The following N4BP1 variants were observed in gnomAD, a reference collection of about 807,000 sequenced individuals.
N4BP1 encodes the protein NEDD4-binding protein 1.
Under a neutral mutation model 70.9 loss-of-function variants are expected in N4BP1, and 21 were observed. The ratio of observed to expected loss-of-function variants is 0.30; its 90% CI spans 0.21 to 0.43. The LOEUF is 0.43. Ranked by LOEUF, N4BP1 falls within the 20% of genes least tolerant of loss-of-function variation. N4BP1 has a pLI of 1.00. For synonymous variants in N4BP1, 387 were observed against 394.6 expected (o/e 0.98, Z 0.23); for missense variants, 936 against 1,069.4 (o/e 0.88, Z 1.74).
Position 48,551,405 on chromosome 16 carries a change from T to C in N4BP1, c.2098A>G (p.Ile700Val), listed in dbSNP as rs1026204652. Residue 700 changes from isoleucine to valine, a missense_variant, in exon 4 of 7, where the codon ATT (isoleucine) becomes GTT (valine). Ile to Val is a conservative substitution (Grantham distance 29). This residue lies in a region of N4BP1 where 229 missense variants were observed against 343.5 expected (regional missense o/e 0.67). Transcript: ENST00000262384. ...TPARMVFGER[I>V]ASHDDRFLLH... is the part of the protein sequence containing the mutation. Reference sequence around the variant, plus strand: ...TCATACCTGTCATCATGAGAAGCAATTCTTTCTCCAAAGACCATCCGGGCA... The same window carrying C: ...TCATACCTGTCATCATGAGAAGCAACTCTTTCTCCAAAGACCATCCGGGCA... 4 of 1,613,322 alleles carry C rather than the reference T, an allele frequency of 2.5e-6. No individual in the cohort carries two copies. Among genetic ancestry groups the C allele is most frequent in the Non-Finnish European group, 8.5e-7 (1 of 1,179,502 alleles).
At chr16:48,579,632 C>T (rs2151095260) in intron 1 of N4BP1, among the ~76,000 whole-genome samples, 1 of 150,846 alleles carries the variant, frequency 6.6e-6, no homozygotes, top group South Asian at 2.1e-4. Context: ...AACCAAGCAA[C>T]TGTATTCCAA....
rs1427081653 is a variant in N4BP1 at position 48,542,288 on chromosome 16, A to AC, written c.*615dup. 6.6e-6 allele frequency: 1 copy of AC among 152,508 alleles called. No homozygotes were observed. The highest frequency in any genetic ancestry group is 1.5e-5 in the Non-Finnish European group (1 of 68,064). 9.4% of individuals were successfully genotyped at this position (152,508 alleles called of 1,614,324 possible). A position where few individuals can be genotyped will look rare whatever the true frequency, so the allele number is the denominator to read the frequency against. The stretch of plus-strand genomic sequence containing the variant: ...TCTTCTAGCCCTGGTATTCTGTGAG[A>AC]CTAACTTCGCCCTGGTCATTCACCA... On this transcript the variant is annotated 3_prime_UTR_variant, in exon 7 of 7. Transcript: ENST00000262384.
rs761037186 is a variant in N4BP1 at position 48,546,173 on chromosome 16, C to A, written c.2307G>T (p.Glu769Asp). 3.1e-6 allele frequency: 5 copies of A among 1,612,272 alleles called. No individual in the cohort carries two copies. The African/African-American group carries it at 4.0e-5, about 13-fold the overall frequency. ...PLGRSGPRLE[E>D]FLQKEVCLRD... ...TAAGACAGACTTCCTTCTGAAGAAA[C>A]TCCTCTAATCGAGGTCCACTTCTTC... Residue 769 changes from glutamate (E) to aspartate (D), a missense_variant, in exon 6 of 7, where the codon GAG becomes GAT. Coordinates refer to ENST00000262384, the MANE Select transcript of N4BP1 (RefSeq NM_153029.4).
chr16:48,591,422 G>A (rs1964336732), intron 1 of N4BP1, among the ~76,000 whole-genome samples: 3 of 151,804 alleles, frequency 2.0e-5, no homozygotes, highest in Admixed American at 2.0e-4. Flanking sequence ...ACACCTTATG[G>A]GTCCATGGTT....
At chr16:48,549,579 C>T (rs1020561143) in intron 4 of N4BP1, among the ~76,000 whole-genome samples, 5 of 152,200 alleles carry the variant, frequency 3.3e-5, no homozygotes, top group East Asian at 1.9e-4. Context: ...CCTTCCATTC[C>T]GCCTTCTAGT....
At chr16:48,588,697 C>T (rs1385308789) in intron 1 of N4BP1, among the ~76,000 whole-genome samples, 2 of 152,164 alleles carry the variant, frequency 1.3e-5, no homozygotes, top group Admixed American at 1.3e-4. Flanking sequence ...TGTCCTACAG[C>T]TGTACTATCC....
At chr16:48,585,249 A>T (rs1384364918) in intron 1 of N4BP1, among the ~76,000 whole-genome samples, 2 of 151,776 alleles carry the variant, frequency 1.3e-5, no homozygotes, top group South Asian at 2.1e-4. Flanking sequence ...TTTTTTTTTT[A>T]AATGTTTTTC....
chr16:48,543,241 C>T lies in N4BP1; in HGVS notation c.2354G>A (p.Ser785Asn), dbSNP rs764444094. 6.5e-7 allele frequency: 1 copy of T among 1,540,180 alleles called. No individual in the cohort carries two copies. Among genetic ancestry groups the T allele is most frequent in the Non-Finnish European group, 8.8e-7 (1 of 1,142,780 alleles). Residue 785 changes from serine (S) to asparagine (N), a missense_variant, in exon 7 of 7, where the codon AGT becomes AAT. By Grantham distance (46) the Ser-to-Asn change is conservative. Around this residue, in one of 4 missense-constraint regions of N4BP1, gnomAD observed 229 missense variants for 343.5 expected, o/e 0.67. Coordinates refer to ENST00000262384, the MANE Select transcript of N4BP1 (RefSeq NM_153029.4). ...VCLRDMQPLLSALPNVGMFDP... is the reference protein window; with the variant it reads ...VCLRDMQPLLNALPNVGMFDP... ...AAACATGCCCACATTTGGCAGGGCA[C>T]TGAGTAGGGGCTGCATATCTCTGTG... is the stretch of plus-strand genomic sequence containing the variant.
chr16:48,550,616 C>G (rs1314272086), intron 4 of N4BP1, among the ~76,000 whole-genome samples: 1 of 151,552 alleles, frequency 6.6e-6, no homozygotes, highest in Non-Finnish European at 1.5e-5. Context: ...GAAATGCAGG[C>G]TTATAGGCCG....
chr16:48,597,706 C>T (rs545709954), intron 1 of N4BP1, among the ~76,000 whole-genome samples: 2 of 152,092 alleles, frequency 1.3e-5, no homozygotes, highest in South Asian at 2.1e-4. Context: ...AACCTTTAAA[C>T]GCCCTAACCC....
chr16:48,552,447 C>T (rs759167468), intron 3 of N4BP1, among the ~76,000 whole-genome samples: 34 of 151,846 alleles, frequency 2.2e-4, no homozygotes, highest in Non-Finnish European at 3.5e-4. Context: ...TGCCTGTAAT[C>T]CCAGCACTTT....
At chr16:48,589,324 A>G (rs1420020525) in intron 1 of N4BP1, among the ~76,000 whole-genome samples, 1 of 152,164 alleles carries the variant, frequency 6.6e-6, no homozygotes, top group Non-Finnish European at 1.5e-5. Context: ...TCTCAACCCT[A>G]CTTCCAACCT....
chr16:48,592,571 T>G (rs984936364), intron 1 of N4BP1, among the ~76,000 whole-genome samples: 4 of 152,232 alleles, frequency 2.6e-5, no homozygotes, highest in African/African-American at 9.6e-5. Context: ...AAAAGAGCTC[T>G]AATTAACTAG....
Position 48,560,915 on chromosome 16 carries a change from A to T in N4BP1, c.1728T>A (p.Asp576Glu), listed in dbSNP as rs375737753. Reference protein sequence around the residue: ...PLPQLLPSVTDARSAGPSDHI... With the variant: ...PLPQLLPSVTEARSAGPSDHI... ...GATCAGAAGGTCCTGCCGACCTTGC[A>T]TCAGTAACCGAAGGTAACAGCTGGG... The change falls in exon 2 of 7, where the codon GAT becomes GAA. Residue 576 changes from aspartate to glutamate, a missense_variant. Asp to Glu is a conservative substitution (Grantham distance 45). This residue lies in a region of N4BP1 where 515 missense variants were observed against 491.7 expected (regional missense o/e 1.05). Transcript: ENST00000262384. 3.7e-6 allele frequency: 6 copies of T among 1,614,040 alleles called. No homozygotes were observed. Among genetic ancestry groups the T allele is most frequent in the Non-Finnish European group, 5.1e-6 (6 of 1,179,888 alleles).
chr16:48,588,837 C>T (rs747123849), intron 1 of N4BP1, among the ~76,000 whole-genome samples: 7 of 152,078 alleles, frequency 4.6e-5, no homozygotes, highest in Non-Finnish European at 7.4e-5. Flanking sequence ...TTTGTATATA[C>T]AACCCCTGAG....
chr16:48,586,482 TAC>T (rs1312880050), intron 1 of N4BP1, among the ~76,000 whole-genome samples: 1 of 152,232 alleles, frequency 6.6e-6, no homozygotes, highest in African/African-American at 2.4e-5. Flanking sequence ...TCACCGTAAC[TAC>T]ACGATTAGTT....
chr16:48,577,316 T>A (rs564282378), intron 1 of N4BP1, among the ~76,000 whole-genome samples: 1 of 144,696 alleles, frequency 6.9e-6, no homozygotes, highest in Non-Finnish European at 1.5e-5. Flanking sequence ...CCAGTTTTTG[T>A]TTTTTTTGTG....
At chr16:48,594,567 C>T (rs553191012) in intron 1 of N4BP1, among the ~76,000 whole-genome samples, 3 of 151,982 alleles carry the variant, frequency 2.0e-5, no homozygotes, top group African/African-American at 7.2e-5. Flanking sequence ...TGTTGGCCAG[C>T]CTGGTCTTGA....
At chr16:48,564,897 C>G (rs1033391206) in intron 1 of N4BP1, among the ~76,000 whole-genome samples, 3 of 152,090 alleles carry the variant, frequency 2.0e-5, no homozygotes, top group African/African-American at 7.2e-5. Flanking sequence ...CTAGATTTCA[C>G]GTTTTAAGAA....
Sources: allele counts gnomAD v4.1 joint callset (sites outside exome capture counted in the v4.1 genomes callset), GRCh38; gene constraint gnomAD v4.1.1; regional missense constraint gnomAD v4.1.1; transcripts MANE v1.5; gene names NCBI Gene and HGNC (gene_info 2026-07-23, HGNC 2026-07-21).